Variants in KIAA1671 observed in about 807,000 individuals in gnomAD.
KIAA1671 encodes the protein uncharacterized protein KIAA1671.
In KIAA1671, 52 loss-of-function variants were observed where a neutral mutation model predicts 131.2. The ratio of observed to expected loss-of-function variants is 0.40; its 90% CI spans 0.32 to 0.50. The LOEUF is 0.50. KIAA1671 is among the 20% of genes least tolerant of loss of function. The pLI is 0.73. For missense variants in KIAA1671, 2,360 were observed against 2,364.2 expected (o/e 1.00, Z 0.04); for synonymous variants, 1,003 against 961.6 (o/e 1.04, Z -0.80).
Position 25,177,489 on chromosome 22 carries a change from A to G in KIAA1671, c.5041A>G (p.Thr1681Ala), listed in dbSNP as rs551213040. The G allele has an allele frequency of 5.3e-5, 82 of 1,551,650 alleles. No homozygotes were observed. The South Asian group carries it at 9.3e-4, about 18-fold the overall frequency. ...SESRSPLEDE[T>A]DNTWMFKDST... ...GAGCAGATCACCTTTGGAGGATGAG[A>G]CTGACAACACGTGGATGTTCAAAGA... is the stretch of plus-strand genomic sequence containing the variant. Residue 1681 changes from threonine (T) to alanine (A), a missense_variant, in exon 9 of 13, where the codon ACT becomes GCT. This residue lies in a region of KIAA1671 where 1,161 missense variants were observed against 1,204.7 expected (regional missense o/e 0.96). Transcript: ENST00000358431.
intron 6 of KIAA1671, among the ~76,000 whole-genome samples, chr22:25,159,580 T>C (rs1275799797): frequency 6.6e-6 from 1 of 152,144 alleles, no homozygotes; most frequent in Non-Finnish European, 1.5e-5. Flanking sequence ...AACATCATCA[T>C]GTGGACTGGC....
At chr22:24,961,963 A>G (rs1375983680) in intron 1 of KIAA1671, among the ~76,000 whole-genome samples, 10 of 152,206 alleles carry the variant, frequency 6.6e-5, no homozygotes, top group South Asian at 6.2e-4. Context: ...CAGTTCACCA[A>G]CTGAGTCTCA....
intron 6 of KIAA1671, among the ~76,000 whole-genome samples, chr22:25,078,573 C>G (rs900729684): frequency 6.6e-6 from 1 of 152,002 alleles, no homozygotes; most frequent in Admixed American, 6.6e-5. Context: ...GATGGACCAC[C>G]CTGTTGACCT....
chr22:25,175,407 C>T (rs1176697719), intron 8 of KIAA1671: 1 of 152,188 alleles, frequency 6.6e-6, no homozygotes, highest in Non-Finnish European at 1.5e-5. Context: ...TCCTTTAGGG[C>T]TTCAAAGAGG....
intron 6 of KIAA1671, among the ~76,000 whole-genome samples, chr22:25,083,608 A>G (rs151138878): frequency 9.2e-5 from 14 of 152,388 alleles, no homozygotes; most frequent in African/African-American, 3.1e-4. Context: ...CAGCTGGTCA[A>G]CAGTGGAGCC....
chr22:25,153,487 C>G (rs549439905), intron 6 of KIAA1671, among the ~76,000 whole-genome samples: 2 of 152,230 alleles, frequency 1.3e-5, no homozygotes, highest in African/African-American at 4.8e-5. Flanking sequence ...GGGGGAATCT[C>G]ACAATATGCA....
At position 25,067,482 on chromosome 22, in the gene KIAA1671, TCTC is replaced by T. The variant is rs968643869; in HGVS notation, c.4530+18122_4530+18124del. ...AGAACCCCTACCCCACCCATCTCCC[TCTC>T]CTCTCCCTCCATGTCTCTCGTCTTT... On this transcript the variant is annotated intron_variant, in intron 6 of 12. Transcript: ENST00000358431. Among the ~76,000 whole-genome samples, 20 of 151,460 alleles carry T rather than the reference TCTC, an allele frequency of 1.3e-4. 1 individual carries two copies. The highest frequency in any genetic ancestry group is 1.2e-3 in the Admixed American group (18 of 15,198).
At chr22:24,968,030 C>T (rs1922398691) in intron 1 of KIAA1671, among the ~76,000 whole-genome samples, 1 of 151,982 alleles carries the variant, frequency 6.6e-6, no homozygotes, top group Non-Finnish European at 1.5e-5. Flanking sequence ...AGACAGGACG[C>T]TTTGGCAACC....
At chr22:25,036,137 A>G (rs1340508920) in intron 4 of KIAA1671, among the ~76,000 whole-genome samples, 1 of 151,998 alleles carries the variant, frequency 6.6e-6, no homozygotes, top group African/African-American at 2.4e-5. Context: ...CTGGAGTGCA[A>G]TGGCACAATC....
At chr22:25,177,083 G>A (rs1934058094) in intron 8 of KIAA1671, 2 of 429,988 alleles carry the variant, frequency 4.7e-6, no homozygotes, top group African/African-American at 1.9e-5. Flanking sequence ...TGTGCCTACT[G>A]GGTGCCAGGA....
intron 6 of KIAA1671, among the ~76,000 whole-genome samples, chr22:25,137,188 G>A (rs1358094764): frequency 6.6e-6 from 1 of 152,198 alleles, no homozygotes; most frequent in Admixed American, 6.5e-5. Context: ...GTCTGCCATG[G>A]GCAAGGGAGT....
At chr22:25,037,658 C>G (rs1376095080) in intron 4 of KIAA1671, among the ~76,000 whole-genome samples, 1 of 152,018 alleles carries the variant, frequency 6.6e-6, no homozygotes, top group Non-Finnish European at 1.5e-5. Flanking sequence ...GTCTCCCATT[C>G]CCAGGCATCC....
chr22:25,105,253 C>A (rs559130937), intron 6 of KIAA1671, among the ~76,000 whole-genome samples: 2 of 152,130 alleles, frequency 1.3e-5, no homozygotes, highest in Non-Finnish European at 2.9e-5. Context: ...AACTCCTGAC[C>A]TCAGAGAATC....
chr22:24,970,301 C>A (rs1398822166), intron 1 of KIAA1671, among the ~76,000 whole-genome samples: 5 of 152,150 alleles, frequency 3.3e-5, no homozygotes, highest in Admixed American at 3.3e-4. Flanking sequence ...CATGATGTCA[C>A]CTGGACACTG....
chr22:25,140,369 T>TTTTTTTTTGTC lies in KIAA1671; in HGVS notation c.4531-30451_4531-30450insTTTTTTTTGTC, dbSNP rs1157319419. On this transcript the variant is annotated intron_variant, in intron 6 of 12. Transcript: ENST00000358431. ...AGCCTGCTAGCAAGGTAGGGTTTTCTCTTTTTTTTTCCTTTTTTTTTTTTG... is the reference window on the plus strand; with the variant it reads ...AGCCTGCTAGCAAGGTAGGGTTTTCTTTTTTTTTGTCCTTTTTTTTTCCTTTTTTTTTTTTG... 8.5e-5 allele frequency among the ~76,000 whole-genome samples: 13 copies of TTTTTTTTTGTC among 152,104 alleles called. No individual in the cohort carries two copies. The East Asian group carries it at 2.3e-3, about 27-fold the overall frequency.
intron 6 of KIAA1671, among the ~76,000 whole-genome samples, chr22:25,136,493 C>G (rs991426138): frequency 6.6e-6 from 1 of 152,174 alleles, no homozygotes; most frequent in Non-Finnish European, 1.5e-5. Flanking sequence ...CTTGGCATCA[C>G]GCAAACAGCC....
chr22:24,984,280 ACTTTTAT>A (rs1406927911), intron 1 of KIAA1671, among the ~76,000 whole-genome samples: 4 of 152,156 alleles, frequency 2.6e-5, no homozygotes, highest in African/African-American at 9.7e-5. Flanking sequence ...GTAGGGCAGT[ACTTTTAT>A]CTCTTGAGGA....
At chr22:25,091,328 G>A (rs1264337762) in intron 6 of KIAA1671, among the ~76,000 whole-genome samples, 1 of 152,122 alleles carries the variant, frequency 6.6e-6, no homozygotes, top group African/African-American at 2.4e-5. Flanking sequence ...AAAATGCTGG[G>A]ATTACAGGCA....
At chr22:24,984,032 C>G (rs1246501684) in intron 1 of KIAA1671, among the ~76,000 whole-genome samples, 1 of 152,080 alleles carries the variant, frequency 6.6e-6, no homozygotes, top group Non-Finnish European at 1.5e-5. Context: ...CCCGCCTCGG[C>G]CTCCCAAAGT....
Sources: gnomAD v4.1 joint callset for allele counts (sites outside exome capture counted in the v4.1 genomes callset) on GRCh38, gnomAD v4.1.1 for gene constraint, gnomAD v4.1.1 regional missense constraint, MANE v1.5 for transcripts, NCBI Gene and HGNC (gene_info 2026-07-23, HGNC 2026-07-21) for gene names.